Variants in ANO6 observed in about 807,000 individuals in gnomAD.
The protein encoded by ANO6 is anoctamin-6.
Under a neutral mutation model 117.5 loss-of-function variants are expected in ANO6, and 106 were observed. The observed-to-expected ratio is 0.90, with a 90% CI of 0.77 to 1.06. ANO6 has a LOEUF of 1.06. Among genes scored for constraint, ANO6 ranks in the 50% least tolerant of loss-of-function variants. ANO6 has a pLI of 0.00. For synonymous variants in ANO6, 367 were observed against 385.1 expected, an observed-to-expected ratio of 0.95 and a Z score of 0.55; for missense variants, 955 against 1,121.1, an observed-to-expected ratio of 0.85 and a Z score of 2.12.
chr12:45,251,079 A>G (rs951610345), intron 1 of ANO6, among the ~76,000 whole-genome samples: 4 of 152,070 alleles, frequency 2.6e-5, no homozygotes, highest in African/African-American at 9.7e-5. Context: ...AAAAAAGGAA[A>G]AAAAACCCAC....
chr12:45,375,506 G>T (rs1470116458), intron 9 of ANO6, among the ~76,000 whole-genome samples: 1 of 152,136 alleles, frequency 6.6e-6, no homozygotes, highest in Non-Finnish European at 1.5e-5. Context: ...CCAAAACAGA[G>T]ATATAGATCA....
At chr12:45,415,348 A>G (rs928804493) in intron 16 of ANO6, among the ~76,000 whole-genome samples, 2 of 152,236 alleles carry the variant, frequency 1.3e-5, no homozygotes, top group Non-Finnish European at 2.9e-5. Flanking sequence ...AGGTTTACTG[A>G]TAACATAATC....
intron 1 of ANO6, among the ~76,000 whole-genome samples, chr12:45,228,484 A>G (rs566787965): frequency 6.6e-6 from 1 of 151,988 alleles, no homozygotes; most frequent in Non-Finnish European, 1.5e-5. Context: ...GTCATTGTAT[A>G]GTTGTATGCA....
chr12:45,430,195 T>A lies in ANO6; in HGVS notation c.*884T>A. ...TATCACATGATTAAAATTACATTTT[T>A]ATCAACATAATTGTCTGGAAAAGAT... On this transcript the variant is annotated 3_prime_UTR_variant, in exon 20 of 20. Transcript: ENST00000320560. 2.0e-6 allele frequency: 2 copies of A among 985,466 alleles called. No homozygotes were observed. The highest frequency in any genetic ancestry group is 4.7e-5 in the South Asian group (1 of 21,288). 61.0% of individuals were successfully genotyped at this position (985,466 alleles called of 1,614,324 possible).
At chr12:45,319,277 T>C (rs1360210672) in intron 2 of ANO6, among the ~76,000 whole-genome samples, 1 of 152,234 alleles carries the variant, frequency 6.6e-6, no homozygotes, top group African/African-American at 2.4e-5. Context: ...CTTATCATTT[T>C]GAGATACATT....
At chr12:45,375,743 A>G (rs1318587310) in intron 9 of ANO6, among the ~76,000 whole-genome samples, 2 of 151,482 alleles carry the variant, frequency 1.3e-5, no homozygotes, top group Non-Finnish European at 3.0e-5. Flanking sequence ...ACCTAAAACC[A>G]TAAAAACCCT....
At chr12:45,336,678 G>C (rs1295376193) in intron 3 of ANO6, among the ~76,000 whole-genome samples, 1 of 152,032 alleles carries the variant, frequency 6.6e-6, no homozygotes, top group Non-Finnish European at 1.5e-5. Context: ...CCGAACGCTT[G>C]TTAATGGTAA....
chr12:45,337,364 C>A (rs1940856258), intron 3 of ANO6, among the ~76,000 whole-genome samples: 1 of 152,078 alleles, frequency 6.6e-6, no homozygotes, highest in Non-Finnish European at 1.5e-5. Flanking sequence ...GTGTTCAGCT[C>A]AGTCTCATGC....
At chr12:45,278,198 C>A (rs1938612358) in intron 1 of ANO6, among the ~76,000 whole-genome samples, 1 of 152,188 alleles carries the variant, frequency 6.6e-6, no homozygotes, top group South Asian at 2.1e-4. Flanking sequence ...CTTAAGTGAT[C>A]CTCCCCACCT....
At chr12:45,413,042 A>AT (rs1943125796) in intron 16 of ANO6, among the ~76,000 whole-genome samples, 1 of 152,264 alleles carries the variant, frequency 6.6e-6, no homozygotes, top group Non-Finnish European at 1.5e-5. Flanking sequence ...GGGCCATATC[A>AT]TGATGGGTCT....
intron 17 of ANO6, 36 bp downstream of exon 17, chr12:45,416,940 G>A: frequency 6.2e-7 from 1 of 1,601,680 alleles, no homozygotes; most frequent in African/African-American, 1.3e-5. Context: ...TAAAGACCTT[G>A]AAGATGCATT....
At chr12:45,418,329 C>A (rs1320629507) in intron 17 of ANO6, among the ~76,000 whole-genome samples, 1 of 152,298 alleles carries the variant, frequency 6.6e-6, no homozygotes, top group Non-Finnish European at 1.5e-5. Context: ...CACACAAAAA[C>A]CAACTACTGG....
chr12:45,339,173 G>T (rs910690475), intron 3 of ANO6, among the ~76,000 whole-genome samples: 1 of 152,086 alleles, frequency 6.6e-6, no homozygotes. Context: ...ACAGAAAAAG[G>T]TGTGTCCTAG....
At chr12:45,352,602 A>C (rs1941308532) in intron 7 of ANO6, among the ~76,000 whole-genome samples, 1 of 148,974 alleles carries the variant, frequency 6.7e-6, no homozygotes, top group African/African-American at 2.5e-5. Context: ...GATGGCTCTC[A>C]CACCTGTAGT....
intron 1 of ANO6, among the ~76,000 whole-genome samples, chr12:45,230,147 G>A (rs551794409): frequency 1.3e-5 from 2 of 152,028 alleles, no homozygotes; most frequent in Admixed American, 6.5e-5. Context: ...GTCACTTTTT[G>A]TCTTTTCCAT....
At chr12:45,263,580 A>G (rs1409586202) in intron 1 of ANO6, among the ~76,000 whole-genome samples, 4 of 152,088 alleles carry the variant, frequency 2.6e-5, no homozygotes. Flanking sequence ...GAGCTGCACC[A>G]AGGATTTCCA....
chr12:45,319,348 G>T (rs528227253), intron 2 of ANO6, among the ~76,000 whole-genome samples: 14 of 152,194 alleles, frequency 9.2e-5, no homozygotes, highest in Admixed American at 8.5e-4. Flanking sequence ...TTTGTCGAAG[G>T]CCTTTTCTGC....
At chr12:45,410,535 T>G (rs1943061005) in intron 16 of ANO6, among the ~76,000 whole-genome samples, 1 of 152,206 alleles carries the variant, frequency 6.6e-6, no homozygotes, top group Non-Finnish European at 1.5e-5. Context: ...AACACCACCT[T>G]TTGTATTATG....
intron 2 of ANO6, among the ~76,000 whole-genome samples, chr12:45,318,365 A>G (rs867767791): frequency 6.6e-6 from 1 of 152,192 alleles, no homozygotes; most frequent in African/African-American, 2.4e-5. Flanking sequence ...TCCCAGCACC[A>G]TTTATTAAAT....
Sources: gnomAD v4.1 joint callset for allele counts (sites outside exome capture counted in the v4.1 genomes callset) on GRCh38, gnomAD v4.1.1 for gene constraint, MANE v1.5 for transcripts, NCBI Gene and HGNC (gene_info 2026-07-23, HGNC 2026-07-21) for gene names.